Variants in TMCC1 observed in about 807,000 individuals in gnomAD.
The protein encoded by TMCC1 is transmembrane and coiled-coil domain family 1.
Under a neutral mutation model 52.4 loss-of-function variants are expected in TMCC1, and 15 were observed. The observed-to-expected ratio is 0.29, with a 90% CI of 0.19 to 0.44. The LOEUF is 0.44. Among genes scored for constraint, TMCC1 ranks in the 20% least tolerant of loss-of-function variants. TMCC1 has a pLI of 1.00. For missense variants in TMCC1, 503 were observed against 806.0 expected (o/e 0.62, Z 4.55); for synonymous variants, 279 against 301.9 (o/e 0.92, Z 0.79).
chr3:129,680,032 C>T (rs1449493334), intron 4 of TMCC1, among the ~76,000 whole-genome samples: 2 of 152,100 alleles, frequency 1.3e-5, no homozygotes, highest in South Asian at 2.1e-4. Flanking sequence ...TCCCAAAGTA[C>T]CTTATCTTCA....
chr3:129,825,444 A>G lies in TMCC1; in HGVS notation c.576+2359T>C, dbSNP rs552098695. Among the ~76,000 whole-genome samples, 4 of 151,164 alleles carry G rather than the reference A, an allele frequency of 2.6e-5. No individual in the cohort carries two copies. The East Asian group carries it at 7.9e-4, about 30-fold the overall frequency. On this transcript the variant is annotated intron_variant, in intron 4 of 6. Transcript: ENST00000393238. Reference sequence around the variant, plus strand: ...AAGAAGATGATATAGTGAGCTCTGAAGTGATATTAACCTTAATAGAGAACC... The same window carrying G: ...AAGAAGATGATATAGTGAGCTCTGAGGTGATATTAACCTTAATAGAGAACC...
intron 4 of TMCC1, among the ~76,000 whole-genome samples, chr3:129,760,093 T>C (rs1054540036): frequency 6.6e-6 from 1 of 151,828 alleles, no homozygotes; most frequent in Non-Finnish European, 1.5e-5. Context: ...ACTGGAGAGA[T>C]AATGCAGAGT....
At chr3:129,751,866 A>G (rs1182319602) in intron 4 of TMCC1, among the ~76,000 whole-genome samples, 1 of 152,044 alleles carries the variant, frequency 6.6e-6, no homozygotes, top group East Asian at 1.9e-4. Flanking sequence ...GCACACTATA[A>G]TATCTTTTCT....
At chr3:129,653,957 A>T (rs1208331761) in intron 6 of TMCC1, among the ~76,000 whole-genome samples, 1 of 152,156 alleles carries the variant, frequency 6.6e-6, no homozygotes, top group African/African-American at 2.4e-5. Context: ...AACTAATAAC[A>T]ACTTGTCTTA....
At chr3:129,669,597 G>A (rs1436471568) in intron 5 of TMCC1, among the ~76,000 whole-genome samples, 3 of 151,998 alleles carry the variant, frequency 2.0e-5, no homozygotes, top group Admixed American at 6.6e-5. Context: ...ACCACACCCG[G>A]CTAATTTTGT....
chr3:129,865,612 T>C lies in TMCC1; in HGVS notation c.-184+14697A>G, dbSNP rs918018542. Among the ~76,000 whole-genome samples the C allele has an allele frequency of 6.6e-5, 10 of 152,340 alleles. No individual in the cohort carries two copies. In the East Asian group the frequency reaches 1.9e-3, roughly 29 times the overall value. ...ATCTTATTTTCCACTATATCCTTAA[T>C]TCCTTGCATAATGTCTGGCACATAA... On this transcript the variant is annotated intron_variant, in intron 2 of 6. Coordinates refer to ENST00000393238, the MANE Select transcript of TMCC1 (RefSeq NM_001017395.5).
chr3:129,861,411 G>A (rs1165811173), intron 2 of TMCC1, among the ~76,000 whole-genome samples: 1 of 152,134 alleles, frequency 6.6e-6, no homozygotes, highest in African/African-American at 2.4e-5. Flanking sequence ...CTGCACTCCA[G>A]CCTGGCGACA....
chr3:129,788,899 C>CAT (rs1560421832), intron 4 of TMCC1, among the ~76,000 whole-genome samples: 1 of 152,172 alleles, frequency 6.6e-6, no homozygotes, highest in East Asian at 1.9e-4. Context: ...AGCAGATAGA[C>CAT]ATATGCATAG....
chr3:129,808,634 G>A (rs1010211435), intron 4 of TMCC1, among the ~76,000 whole-genome samples: 1 of 151,242 alleles, frequency 6.6e-6, no homozygotes, highest in African/African-American at 2.4e-5. Flanking sequence ...GTATAAAAAG[G>A]GAAGTGTAAT....
chr3:129,817,953 C>T (rs370549423), intron 4 of TMCC1, among the ~76,000 whole-genome samples: 1 of 152,270 alleles, frequency 6.6e-6, no homozygotes, highest in African/African-American at 2.4e-5. Flanking sequence ...GCTGGGACCA[C>T]AGACATGTGC....
At chr3:129,790,566 A>C (rs2056382547) in intron 4 of TMCC1, among the ~76,000 whole-genome samples, 1 of 152,222 alleles carries the variant, frequency 6.6e-6, no homozygotes, top group Non-Finnish European at 1.5e-5. Context: ...CCTACCCTTT[A>C]TCATACTTTA....
intron 1 of TMCC1, among the ~76,000 whole-genome samples, chr3:129,884,796 T>C (rs1560618764): frequency 6.6e-6 from 1 of 152,142 alleles, no homozygotes; most frequent in Admixed American, 6.6e-5. Flanking sequence ...CAATATATAA[T>C]TTATCGATTT....
intron 4 of TMCC1, among the ~76,000 whole-genome samples, chr3:129,766,417 G>GAATA (rs1205939020): frequency 2.0e-5 from 3 of 152,140 alleles, no homozygotes; most frequent in Admixed American, 2.0e-4. Flanking sequence ...CATGCACAGA[G>GAATA]AATACAAAGA....
intron 4 of TMCC1, among the ~76,000 whole-genome samples, chr3:129,755,959 G>A (rs997707518): frequency 3.3e-5 from 5 of 152,260 alleles, no homozygotes; most frequent in African/African-American, 7.2e-5. Context: ...TCAGCTGGGC[G>A]TGGTGGTGGG....
intron 4 of TMCC1, among the ~76,000 whole-genome samples, chr3:129,739,691 C>T (rs1012850401): frequency 2.0e-5 from 3 of 152,158 alleles, no homozygotes; most frequent in Admixed American, 2.0e-4. Context: ...TTGGTCAGCA[C>T]AGAAGACTGA....
chr3:129,795,630 A>G (rs558292702), intron 4 of TMCC1, among the ~76,000 whole-genome samples: 59 of 152,358 alleles, frequency 3.9e-4, no homozygotes, highest in African/African-American at 1.4e-3. Flanking sequence ...TTTGTATTAC[A>G]ATAGTCCTCC....
chr3:129,821,605 CAG>C (rs2058427905), intron 4 of TMCC1, among the ~76,000 whole-genome samples: 1 of 152,078 alleles, frequency 6.6e-6, no homozygotes, highest in Admixed American at 6.5e-5. Flanking sequence ...AATAAGATAA[CAG>C]AGGGATGATT....
At chr3:129,870,020 C>T (rs533357309) in intron 2 of TMCC1, among the ~76,000 whole-genome samples, 18 of 152,326 alleles carry the variant, frequency 1.2e-4, no homozygotes, top group African/African-American at 4.3e-4. Flanking sequence ...ATTACAGCAA[C>T]CTTTACTTTT....
chr3:129,798,524 C>CAAAA (rs796919072), intron 4 of TMCC1, among the ~76,000 whole-genome samples: 10 of 67,870 alleles, frequency 1.5e-4, no homozygotes, highest in African/African-American at 4.1e-4. Context: ...TCTTCCTATC[C>CAAAA]AAAAAAAAAA....
Sources: allele counts gnomAD v4.1 joint callset (sites outside exome capture counted in the v4.1 genomes callset), GRCh38; gene constraint gnomAD v4.1.1; transcripts MANE v1.5; gene names NCBI Gene and HGNC (gene_info 2026-07-23, HGNC 2026-07-21).